NOPCHAP1: variants seen among roughly 807,000 people sequenced by gnomAD.
NOPCHAP1 encodes DNA damage-sensitive RNA 1.
A neutral mutation model predicts 14.0 loss-of-function variants in NOPCHAP1; 13 were observed. That is an observed-to-expected ratio of 0.93 (90% confidence interval 0.60 to 1.47). NOPCHAP1 has a LOEUF of 1.47. NOPCHAP1 is among the 40% of genes most tolerant of loss of function. The pLI is 0.00. For missense variants in NOPCHAP1, 230 were observed against 226.9 expected, an observed-to-expected ratio of 1.01 and a Z score of -0.09; for synonymous variants, 78 against 78.4, an observed-to-expected ratio of 1.00 and a Z score of 0.03.
Position 105,016,817 on chromosome 12 carries a change from C to T in NOPCHAP1, c.*22121C>T, listed in dbSNP as rs913264775. ...CCAAAACATATCAGTATGTTATGGC[C>T]TTATATAAAAGTTGTTTTGTTTGTA... On this transcript the variant is annotated 3_prime_UTR_variant, in exon 4 of 4. Transcript: ENST00000552951. 3 of 152,108 alleles carry T rather than the reference C, an allele frequency of 2.0e-5. No individual in the cohort carries two copies. The highest frequency in any genetic ancestry group is 4.4e-5 in the Non-Finnish European group (3 of 68,028). 9.4% of individuals were successfully genotyped at this position (152,108 alleles called of 1,614,324 possible).
Position 104,994,938 on chromosome 12 carries a change from C to A in NOPCHAP1, c.*242C>A. 2.2e-6 allele frequency: 1 copy of A among 454,046 alleles called. No individual in the cohort carries two copies. Among genetic ancestry groups the A allele is most frequent in the East Asian group, 4.5e-5 (1 of 22,368 alleles). The allele number at this position is 454,046 out of a possible 1,614,324, so 28.1% of individuals were successfully genotyped here. On this transcript the variant is annotated 3_prime_UTR_variant, in exon 4 of 4. Coordinates refer to ENST00000552951, the MANE Select transcript of NOPCHAP1 (RefSeq NM_152318.3). ...TACAGCAAGGAAAGTGTGCTTTTAT[C>A]AGCTGAACACAGAAGTAGAGTACAG...
chr12:105,009,894 A>G lies in NOPCHAP1; in HGVS notation c.*15198A>G, dbSNP rs901707325. On this transcript the variant is annotated 3_prime_UTR_variant, in exon 4 of 4. Transcript: ENST00000552951. ...TATTTTATTGAGGATTTTTGCATTG[A>G]TGTTCATCAGGGATATTGGCTTGAA... The G allele has an allele frequency of 2.0e-5, 3 of 152,110 alleles. No homozygotes were observed. The highest frequency in any genetic ancestry group is 7.2e-5 in the African/African-American group (3 of 41,416). 9.4% of individuals were successfully genotyped at this position (152,110 alleles called of 1,614,324 possible).
chr12:104,989,538 T>C (rs1432467835), intron 2 of NOPCHAP1, among the ~76,000 whole-genome samples: 1 of 152,226 alleles, frequency 6.6e-6, no homozygotes, highest in Non-Finnish European at 1.5e-5. Flanking sequence ...TCTTTTCTTC[T>C]CTGGCTGCCT....
intron 2 of NOPCHAP1, among the ~76,000 whole-genome samples, chr12:104,990,305 G>T (rs369819544): frequency 6.6e-6 from 1 of 152,094 alleles, no homozygotes; most frequent in East Asian, 1.9e-4. Flanking sequence ...TACTTGTTTT[G>T]CTCTACTTGA....
intron 2 of NOPCHAP1, among the ~76,000 whole-genome samples, chr12:104,988,668 T>C (rs917992557): frequency 6.6e-6 from 1 of 152,188 alleles, no homozygotes; most frequent in Admixed American, 6.5e-5. Flanking sequence ...TTCTGTAGTA[T>C]TGCTGTACTG....
At chr12:104,990,288 A>G (rs1351370174) in intron 2 of NOPCHAP1, among the ~76,000 whole-genome samples, 4 of 152,204 alleles carry the variant, frequency 2.6e-5, no homozygotes, top group African/African-American at 9.6e-5. Context: ...CAGGCCGCAC[A>G]TTTTGGTACT....
chr12:105,012,613 AT>A lies in NOPCHAP1; in HGVS notation c.*17918del, dbSNP rs1873854077. On this transcript the variant is annotated 3_prime_UTR_variant, in exon 4 of 4. Coordinates refer to ENST00000552951, the MANE Select transcript of NOPCHAP1 (RefSeq NM_152318.3). ...AGCCTTTTTGCGCTGGGTTTTCCTC[AT>A]CTTCCTGGATTTACCTACCTTTGCT... The A allele has an allele frequency of 6.6e-6, 1 of 152,120 alleles. No individual in the cohort carries two copies. Among genetic ancestry groups the A allele is most frequent in the Non-Finnish European group, 1.5e-5 (1 of 68,028 alleles). The allele number at this position is 152,120 out of a possible 1,614,324, so 9.4% of individuals were successfully genotyped here. A position where few individuals can be genotyped will look rare whatever the true frequency, so the allele number is the denominator to read the frequency against.
intron 3 of NOPCHAP1, among the ~76,000 whole-genome samples, chr12:104,993,993 A>G (rs889042492): frequency 3.3e-5 from 5 of 152,234 alleles, no homozygotes; most frequent in Non-Finnish European, 7.3e-5. Context: ...TTAAATCATC[A>G]TTATGACAGA....
In NOPCHAP1 at chr12:105,004,985, T is replaced by C. The variant is rs1323463933; in HGVS notation, c.*10289T>C. On this transcript the variant is annotated 3_prime_UTR_variant, in exon 4 of 4. Transcript: ENST00000552951. ...AGGAAGAGAAATATATACTTACTGTTCTTTAAATGGAAGTGGATCATCATT... is the reference window on the plus strand; with the variant it reads ...AGGAAGAGAAATATATACTTACTGTCCTTTAAATGGAAGTGGATCATCATT... 6.6e-6 allele frequency: 1 copy of C among 152,252 alleles called. No individual in the cohort carries two copies. The highest frequency in any genetic ancestry group is 1.5e-5 in the Non-Finnish European group (1 of 68,050). The allele number at this position is 152,252 out of a possible 1,614,324, so 9.4% of individuals were successfully genotyped here.
rs1478268503 is a variant in NOPCHAP1 at position 104,996,445 on chromosome 12, T to C, written c.*1749T>C. 1 of 152,066 alleles carries C rather than the reference T, an allele frequency of 6.6e-6. No homozygotes were observed. The highest frequency in any genetic ancestry group is 1.5e-5 in the Non-Finnish European group (1 of 68,010). 9.4% of individuals were successfully genotyped at this position (152,066 alleles called of 1,614,324 possible). A position where few individuals can be genotyped will look rare whatever the true frequency, so the allele number is the denominator to read the frequency against. On this transcript the variant is annotated 3_prime_UTR_variant, in exon 4 of 4. Transcript: ENST00000552951. ...AGACAAATTGGGTATTGTGGGGGTT[T>C]GGTGTACAGATTATTTCATCACCTG...
intron 2 of NOPCHAP1, among the ~76,000 whole-genome samples, chr12:104,990,021 C>CT (rs1565938414): frequency 6.6e-6 from 1 of 152,078 alleles, no homozygotes; most frequent in Non-Finnish European, 1.5e-5. Flanking sequence ...TTTCTAAGAG[C>CT]TGTTTTAACA....
In NOPCHAP1 at chr12:105,015,987, T is replaced by G. The variant is rs1873936894; in HGVS notation, c.*21291T>G. ...TATTTAGTAAAATAGTCAAGAAAGGTTTTTTTTTTTTTTTTTAAAAAGCAT... is the reference window on the plus strand; with the variant it reads ...TATTTAGTAAAATAGTCAAGAAAGGGTTTTTTTTTTTTTTTTAAAAAGCAT... On this transcript the variant is annotated 3_prime_UTR_variant, in exon 4 of 4. Coordinates refer to ENST00000552951, the MANE Select transcript of NOPCHAP1 (RefSeq NM_152318.3). 8.0e-6 allele frequency: 1 copy of G among 125,500 alleles called. No homozygotes were observed. 7.8% of individuals were successfully genotyped at this position (125,500 alleles called of 1,614,324 possible). A position where few individuals can be genotyped will look rare whatever the true frequency, so the allele number is the denominator to read the frequency against.
rs1873645270 is a variant in NOPCHAP1 at position 105,003,266 on chromosome 12, TGA to T, written c.*8572_*8573del. On this transcript the variant is annotated 3_prime_UTR_variant, in exon 4 of 4. Coordinates refer to ENST00000552951, the MANE Select transcript of NOPCHAP1 (RefSeq NM_152318.3). ...AATTCTAATTTTTTTTGTGTGTGTG[TGA>T]GTTTCATTTTTCTAGAAAAGCAACA... 2 of 152,190 alleles carry T rather than the reference TGA, an allele frequency of 1.3e-5. No individual in the cohort carries two copies. The highest frequency in any genetic ancestry group is 6.5e-5 in the Admixed American group (1 of 15,282). 9.4% of individuals were successfully genotyped at this position (152,190 alleles called of 1,614,324 possible). A position where few individuals can be genotyped will look rare whatever the true frequency, so the allele number is the denominator to read the frequency against.
intron 3 of NOPCHAP1, 68 bp from the exon 4 acceptor site, chr12:104,994,410 A>G: frequency 7.3e-7 from 1 of 1,364,290 alleles, no homozygotes; most frequent in Non-Finnish European, 1.0e-6. Flanking sequence ...GTTCTTCCCA[A>G]TATTGTTTTA....
rs75778668 is a variant in NOPCHAP1, at chr12:105,016,008, A to G, written c.*21312A>G. 1 of 151,196 alleles carries G rather than the reference A, an allele frequency of 6.6e-6. No individual in the cohort carries two copies. The highest frequency in any genetic ancestry group is 1.5e-5 in the Non-Finnish European group (1 of 67,842). The allele number at this position is 151,196 out of a possible 1,614,324, so 9.4% of individuals were successfully genotyped here. On this transcript the variant is annotated 3_prime_UTR_variant, in exon 4 of 4. Transcript: ENST00000552951. ...AAGGTTTTTTTTTTTTTTTTTAAAA[A>G]GCATAACATCAAAGCCTAAAATTAC... is the stretch of plus-strand genomic sequence containing the variant.
At position 104,998,373 on chromosome 12, in the gene NOPCHAP1, T is replaced by C. The variant is rs1448761406; in HGVS notation, c.*3677T>C. The C allele has an allele frequency of 6.6e-6, 1 of 152,246 alleles. No homozygotes were observed. The highest frequency in any genetic ancestry group is 2.1e-4 in the South Asian group (1 of 4,830). The allele number at this position is 152,246 out of a possible 1,614,324, so 9.4% of individuals were successfully genotyped here. ...ATTTTTTTTCTTTTATCCTACTTTA[T>C]GTCCTTGTGTGTTTAATTGTGGTAT... On this transcript the variant is annotated 3_prime_UTR_variant, in exon 4 of 4. Coordinates refer to ENST00000552951, the MANE Select transcript of NOPCHAP1 (RefSeq NM_152318.3).
chr12:104,986,599 C>A, intron 1 of NOPCHAP1, 132 bp downstream of exon 1: 1 of 712,098 alleles, frequency 1.4e-6, no homozygotes, highest in Non-Finnish European at 2.1e-6. Flanking sequence ...GGGACTGCTG[C>A]GGGGCTCCGG....
chr12:104,989,315 A>T (rs905147030), intron 2 of NOPCHAP1, among the ~76,000 whole-genome samples: 1 of 152,206 alleles, frequency 6.6e-6, no homozygotes, highest in South Asian at 2.1e-4. Flanking sequence ...GCTCTGCTGG[A>T]GATAGACTTA....
rs1266238476 is a variant in NOPCHAP1, at chr12:105,006,602, T to G, written c.*11906T>G. 6.6e-6 allele frequency: 1 copy of G among 152,244 alleles called. No individual in the cohort carries two copies. Among genetic ancestry groups the G allele is most frequent in the Non-Finnish European group, 1.5e-5 (1 of 68,046 alleles). 9.4% of individuals were successfully genotyped at this position (152,244 alleles called of 1,614,324 possible). ...GCCTTTTTGTTGTAAACCAGAAGAC[T>G]GGCAACTCGTATTTATCTTTTCCCT... On this transcript the variant is annotated 3_prime_UTR_variant, in exon 4 of 4. Transcript: ENST00000552951.
Sources: gnomAD v4.1 joint callset for allele counts (sites outside exome capture counted in the v4.1 genomes callset) on GRCh38, gnomAD v4.1.1 for gene constraint, MANE v1.5 for transcripts, NCBI Gene and HGNC (gene_info 2026-07-23, HGNC 2026-07-21) for gene names.